Variants in LRRTM4 observed in about 807,000 individuals in gnomAD.
LRRTM4 encodes leucine rich repeat transmembrane neuronal 4.
A neutral mutation model predicts 47.6 loss-of-function variants in LRRTM4; 25 were observed. The ratio of observed to expected loss-of-function variants is 0.53; its 90% confidence interval spans 0.38 to 0.73. LRRTM4 has a LOEUF of 0.73. Among genes scored for constraint, LRRTM4 ranks in the 30% least tolerant of loss-of-function variants. The probability of loss-of-function intolerance (pLI) is 0.00; values close to 1 mark genes in which losing one functional copy is unlikely to be tolerated. For missense variants in LRRTM4, 638 were observed against 713.4 expected (o/e 0.89, Z 1.20); for synonymous variants, 311 against 269.5 (o/e 1.15, Z -1.51).
chr2:77,100,846 CTT>C lies in LRRTM4; in HGVS notation c.1552-351932_1552-351931del, dbSNP rs752749316. Among the ~76,000 whole-genome samples the C allele has an allele frequency of 2.6e-3, 320 of 122,934 alleles. 2 individuals are homozygous for C. The highest frequency in any genetic ancestry group is 8.1e-3 in the African/African-American group (265 of 32,854). 80.6% of individuals were successfully genotyped at this position (122,934 alleles called of 152,430 possible). On this transcript the variant is annotated intron_variant, in intron 3 of 3. Transcript: ENST00000409884. ...AGCTTCTATTAAAGTAGCTCTGATT[CTT>C]TTTTTTTTTTTTTTTTTGTGACAGA...
intron 3 of LRRTM4, among the ~76,000 whole-genome samples, chr2:77,367,275 T>C (rs910815979): frequency 2.0e-5 from 2 of 97,656 alleles, no homozygotes; most frequent in African/African-American, 1.1e-4. Context: ...CATATTGGTG[T>C]CATTATTTGA....
At chr2:77,212,513 G>A (rs1332755893) in intron 3 of LRRTM4, among the ~76,000 whole-genome samples, 2 of 148,296 alleles carry the variant, frequency 1.3e-5, no homozygotes, top group African/African-American at 4.9e-5. Context: ...TTAATCTCGT[G>A]TATATATATA....
chr2:77,276,714 T>C (rs1381160847), intron 3 of LRRTM4, among the ~76,000 whole-genome samples: 3 of 136,352 alleles, frequency 2.2e-5, no homozygotes, highest in Non-Finnish European at 4.8e-5. Flanking sequence ...TATATATATA[T>C]ATATATATAT....
intron 3 of LRRTM4, among the ~76,000 whole-genome samples, chr2:77,419,778 T>C (rs995386397): frequency 6.6e-6 from 1 of 151,712 alleles, no homozygotes; most frequent in African/African-American, 2.4e-5. Flanking sequence ...TAAAAGCATA[T>C]AATATTTTAT....
At chr2:76,952,925 T>G (rs1675544209) in intron 3 of LRRTM4, among the ~76,000 whole-genome samples, 1 of 151,828 alleles carries the variant, frequency 6.6e-6, no homozygotes, top group Non-Finnish European at 1.5e-5. Flanking sequence ...AATATATTAA[T>G]GCAGGAAAAG....
intron 3 of LRRTM4, among the ~76,000 whole-genome samples, chr2:76,933,303 GTA>G (rs1369171043): frequency 6.6e-6 from 1 of 151,820 alleles, no homozygotes; most frequent in East Asian, 1.9e-4. Context: ...TTCTACTATG[GTA>G]TAACTTGCCA....
intron 3 of LRRTM4, among the ~76,000 whole-genome samples, chr2:77,087,852 GATA>G (rs1680776204): frequency 1.3e-5 from 2 of 152,162 alleles, no homozygotes; most frequent in Admixed American, 6.5e-5. Flanking sequence ...TAACTAAAGA[GATA>G]ATAAACTGAT....
chr2:76,938,077 CTCT>C (rs1050352207), intron 3 of LRRTM4, among the ~76,000 whole-genome samples: 38 of 152,010 alleles, frequency 2.5e-4, no homozygotes, highest in South Asian at 8.3e-4. Flanking sequence ...ATCTTTTCCT[CTCT>C]TCTTATATTA....
chr2:76,858,560 T>A (rs1192398939), intron 3 of LRRTM4, among the ~76,000 whole-genome samples: 1 of 152,150 alleles, frequency 6.6e-6, no homozygotes, highest in Non-Finnish European at 1.5e-5. Flanking sequence ...TCTATCCAAT[T>A]TTGAAGGGTA....
At chr2:76,863,782 A>T (rs186851280) in intron 3 of LRRTM4, among the ~76,000 whole-genome samples, 17 of 152,332 alleles carry the variant, frequency 1.1e-4, no homozygotes, top group Admixed American at 2.0e-4. Flanking sequence ...GTTTATTACC[A>T]GTTTGATTTT....
intron 3 of LRRTM4, among the ~76,000 whole-genome samples, chr2:77,496,751 T>C (rs1007227776): frequency 6.6e-6 from 1 of 151,822 alleles, no homozygotes; most frequent in Non-Finnish European, 1.5e-5. Flanking sequence ...GTATTGTTTC[T>C]TGTATTTTGT....
At chr2:77,337,850 A>C (rs1671222289) in intron 3 of LRRTM4, among the ~76,000 whole-genome samples, 1 of 152,080 alleles carries the variant, frequency 6.6e-6, no homozygotes, top group East Asian at 1.9e-4. Context: ...CCTGACTTCA[A>C]ACTATACTAC....
chr2:77,520,006 T>C, intron 2 of LRRTM4, 142 bp from the exon 3 acceptor site: 1 of 1,363,876 alleles, frequency 7.3e-7, no homozygotes, highest in Non-Finnish European at 9.7e-7. Flanking sequence ...TTTCGAGCAT[T>C]ATTTTCTTCA....
intron 3 of LRRTM4, among the ~76,000 whole-genome samples, chr2:77,038,978 C>G (rs1342631253): frequency 6.6e-6 from 1 of 151,130 alleles, no homozygotes; most frequent in Admixed American, 6.6e-5. Flanking sequence ...AATTGCAATA[C>G]TAAAGGTCCA....
At chr2:76,782,066 A>G (rs1674424991) in intron 3 of LRRTM4, among the ~76,000 whole-genome samples, 1 of 152,116 alleles carries the variant, frequency 6.6e-6, no homozygotes, top group Admixed American at 6.6e-5. Context: ...TCATAGAATG[A>G]CTTCATTTTT....
At chr2:76,914,746 A>C (rs557432584) in intron 3 of LRRTM4, among the ~76,000 whole-genome samples, 1 of 152,310 alleles carries the variant, frequency 6.6e-6, no homozygotes, top group South Asian at 2.1e-4. Context: ...TATTTGACCT[A>C]AACTTTTGTT....
In LRRTM4 at chr2:77,046,660, C is replaced by A. The variant is rs1219094799; in HGVS notation, c.1552-297744G>T. Among the ~76,000 whole-genome samples, 3 of 151,878 alleles carry A rather than the reference C, an allele frequency of 2.0e-5. No individual in the cohort carries two copies. In the East Asian group the frequency reaches 5.8e-4, roughly 29 times the overall value. ...TCAGAGGAAGCAATTGCCTCATTCA[C>A]ACTATGAGAAATAGTAGAAAAATAA... On this transcript the variant is annotated intron_variant, in intron 3 of 3. Coordinates refer to ENST00000409884, the MANE Select transcript of LRRTM4 (RefSeq NM_001134745.3).
chr2:77,389,455 G>C (rs902154841), intron 3 of LRRTM4, among the ~76,000 whole-genome samples: 2 of 152,098 alleles, frequency 1.3e-5, no homozygotes, highest in African/African-American at 4.8e-5. Flanking sequence ...AAAGTAACTA[G>C]TAGGTGAGTA....
chr2:77,152,619 C>T (rs561616183), intron 3 of LRRTM4, among the ~76,000 whole-genome samples: 6 of 152,076 alleles, frequency 3.9e-5, no homozygotes, highest in Non-Finnish European at 7.4e-5. Flanking sequence ...TGAGCTACCA[C>T]GCCCGGCCAC....
Sources: gnomAD v4.1 joint callset for allele counts (sites outside exome capture counted in the v4.1 genomes callset) on GRCh38, gnomAD v4.1.1 for gene constraint, MANE v1.5 for transcripts, NCBI Gene and HGNC (gene_info 2026-07-23, HGNC 2026-07-21) for gene names.